The following CSMD1 variants were observed in gnomAD, a reference collection of about 807,000 sequenced individuals.
The protein encoded by CSMD1 is CUB and Sushi multiple domains 1.
CSMD1 carries 213 observed loss-of-function variants against 417.5 expected under a neutral mutation model. The observed-to-expected ratio is 0.51, with a 90% CI of 0.46 to 0.57. The LOEUF (loss-of-function observed/expected upper bound fraction) is 0.57, where lower values mean the gene tolerates loss of function less well. CSMD1 is among the 20% of genes least tolerant of loss of function. CSMD1 has a pLI of 0.00. For missense variants in CSMD1, 6,923 were observed against 4,529.7 expected (o/e 1.53, Z -15.17); for synonymous variants, 2,862 against 1,736.8 (o/e 1.65, Z -16.11).
chr8:4,610,843 T>A (rs1801130424), intron 2 of CSMD1, among the ~76,000 whole-genome samples: 1 of 152,188 alleles, frequency 6.6e-6, no homozygotes, highest in Admixed American at 6.5e-5. Context: ...CAACTGCATG[T>A]GTGGCGAAAA....
At chr8:4,224,402 A>T (rs1410081284) in intron 3 of CSMD1, among the ~76,000 whole-genome samples, 2 of 152,206 alleles carry the variant, frequency 1.3e-5, no homozygotes, top group African/African-American at 4.8e-5. Flanking sequence ...AACTTCAGAA[A>T]GTCATATTTA....
chr8:3,131,995 T>G (rs1218293237), intron 41 of CSMD1, among the ~76,000 whole-genome samples: 1 of 152,190 alleles, frequency 6.6e-6, no homozygotes, highest in Non-Finnish European at 1.5e-5. Flanking sequence ...TCCAATACCA[T>G]CACTCCACTG....
At chr8:3,899,905 A>T (rs944000783) in intron 5 of CSMD1, among the ~76,000 whole-genome samples, 4 of 152,212 alleles carry the variant, frequency 2.6e-5, no homozygotes, top group African/African-American at 9.6e-5. Flanking sequence ...CTTGCTTAAA[A>T]CATGTCTTTA....
At chr8:3,722,235 G>C (rs1340519375) in intron 6 of CSMD1, among the ~76,000 whole-genome samples, 3 of 151,994 alleles carry the variant, frequency 2.0e-5, no homozygotes, top group East Asian at 1.9e-4. Flanking sequence ...CTTGACCAGG[G>C]AGGCAGAGAT....
intron 22 of CSMD1, 148 bp from the exon 23 acceptor site, chr8:3,343,598 T>C: frequency 1.5e-6 from 1 of 667,738 alleles, no homozygotes; most frequent in Non-Finnish European, 2.4e-6. Context: ...ATGAAGGACT[T>C]AGAGCTAAAT....
chr8:4,807,678 A>T (rs1402792972), intron 1 of CSMD1, among the ~76,000 whole-genome samples: 1 of 152,232 alleles, frequency 6.6e-6, no homozygotes, highest in Non-Finnish European at 1.5e-5. Context: ...ATACATGTGT[A>T]GATACACTAT....
At chr8:4,303,390 C>A (rs1317782754) in intron 3 of CSMD1, among the ~76,000 whole-genome samples, 1 of 137,382 alleles carries the variant, frequency 7.3e-6, no homozygotes, top group Non-Finnish European at 1.6e-5. Flanking sequence ...ATTTTTTATT[C>A]ATTGTCTCAT....
At chr8:3,300,776 C>A (rs551353792) in intron 25 of CSMD1, among the ~76,000 whole-genome samples, 1 of 151,052 alleles carries the variant, frequency 6.6e-6, no homozygotes, top group African/African-American at 2.4e-5. Context: ...GGCAACAGGG[C>A]GAAACCCCGT....
chr8:4,332,789 G>A (rs755858757), intron 3 of CSMD1, among the ~76,000 whole-genome samples: 5 of 151,998 alleles, frequency 3.3e-5, no homozygotes, highest in African/African-American at 9.7e-5. Flanking sequence ...ATTCAAAATA[G>A]TTATGTGTGG....
At chr8:3,810,631 C>G (rs1404984265) in intron 5 of CSMD1, among the ~76,000 whole-genome samples, 1 of 152,114 alleles carries the variant, frequency 6.6e-6, no homozygotes, top group East Asian at 1.9e-4. Flanking sequence ...TATTGGGGGA[C>G]TGGAGTCTTT....
At chr8:3,867,537 G>A (rs887760384) in intron 5 of CSMD1, among the ~76,000 whole-genome samples, 1 of 152,138 alleles carries the variant, frequency 6.6e-6, no homozygotes, top group African/African-American at 2.4e-5. Flanking sequence ...CCAGACAACA[G>A]AAGGCTAGTG....
chr8:3,516,716 T>A (rs1797297087), intron 10 of CSMD1, among the ~76,000 whole-genome samples: 1 of 152,296 alleles, frequency 6.6e-6, no homozygotes, highest in Middle Eastern at 3.4e-3. Flanking sequence ...GGTGGAGATT[T>A]GTGATATTTT....
chr8:4,080,161 A>G (rs1327159071), intron 3 of CSMD1, among the ~76,000 whole-genome samples: 3 of 152,088 alleles, frequency 2.0e-5, no homozygotes, highest in East Asian at 3.9e-4. Flanking sequence ...TTTACAAGCC[A>G]TGCATTTCTA....
At chr8:3,861,103 A>C (rs1200542380) in intron 5 of CSMD1, among the ~76,000 whole-genome samples, 2 of 152,124 alleles carry the variant, frequency 1.3e-5, no homozygotes, top group Non-Finnish European at 2.9e-5. Flanking sequence ...GTGAGCTCGA[A>C]AACAGGACGT....
rs549549575 is a variant in CSMD1, at chr8:4,757,915, T to G, written c.86-120357A>C. Among the ~76,000 whole-genome samples the G allele has an allele frequency of 1.9e-3, 275 of 141,148 alleles. 1 individual carries two copies. The highest frequency in any genetic ancestry group is 3.1e-3 in the Non-Finnish European group (205 of 66,580). 92.6% of individuals were successfully genotyped at this position (141,148 alleles called of 152,430 possible). ...CAGCGGTTGAAGGGAGCCGACATTG[T>G]GCCACCTGCACTCCATCCTGGGCAA... On this transcript the variant is annotated intron_variant, in intron 1 of 69. Coordinates refer to ENST00000635120, the MANE Select transcript of CSMD1 (RefSeq NM_033225.6).
At chr8:4,305,203 C>T (rs190020376) in intron 3 of CSMD1, among the ~76,000 whole-genome samples, 1 of 152,174 alleles carries the variant, frequency 6.6e-6, no homozygotes. Context: ...CAAACACACT[C>T]CCCAACAGAG....
intron 10 of CSMD1, among the ~76,000 whole-genome samples, chr8:3,528,787 C>T (rs894407638): frequency 6.6e-6 from 1 of 152,078 alleles, no homozygotes; most frequent in African/African-American, 2.4e-5. Flanking sequence ...GGTTGACAGA[C>T]AGAAAACACC....
intron 3 of CSMD1, among the ~76,000 whole-genome samples, chr8:4,389,807 C>G (rs766750409): frequency 3.3e-5 from 5 of 152,052 alleles, no homozygotes; most frequent in Non-Finnish European, 7.4e-5. Context: ...CTTACAACTA[C>G]TTTATTTAAA....
At chr8:3,761,890 C>G (rs972035466) in intron 5 of CSMD1, among the ~76,000 whole-genome samples, 1 of 152,112 alleles carries the variant, frequency 6.6e-6, no homozygotes, top group African/African-American at 2.4e-5. Context: ...CTCTCCCTGA[C>G]AATGATTTTT....
Sources: allele counts gnomAD v4.1 joint callset (sites outside exome capture counted in the v4.1 genomes callset), GRCh38; gene constraint gnomAD v4.1.1; transcripts MANE v1.5; gene names NCBI Gene and HGNC (gene_info 2026-07-23, HGNC 2026-07-21).